The following C19orf38 variants were observed in gnomAD, a reference collection of about 807,000 sequenced individuals.
C19orf38 encodes the protein chromosome 19 open reading frame 38, also known as protein HIDE1.
C19orf38 carries 14 observed loss-of-function variants against 26.6 expected under a neutral mutation model. The observed-to-expected ratio is 0.53, with a 90% CI of 0.35 to 0.82. The LOEUF is 0.82. C19orf38 is among the 40% of genes least tolerant of loss of function. The pLI is 0.01. For synonymous variants in C19orf38, 132 were observed against 128.5 expected (o/e 1.03, Z -0.18); for missense variants, 261 against 299.5 (o/e 0.87, Z 0.95).
chr19:10,837,233 C>T (rs2073439534), intron 1 of C19orf38, among the ~76,000 whole-genome samples: 1 of 152,210 alleles, frequency 6.6e-6, no homozygotes, highest in Admixed American at 6.5e-5. Flanking sequence ...TAAACATAAA[C>T]TGTGTACAGG....
upstream of C19orf38, among the ~76,000 whole-genome samples, chr19:10,847,183 GC>G (rs1765941667): frequency 6.6e-6 from 1 of 152,206 alleles, no homozygotes; most frequent in South Asian, 2.1e-4. Context: ...TAAACAGGAG[GC>G]AGTTTATCCT....
At chr19:10,859,384 A>ATTT (rs1221027780) in intron 4 of C19orf38, among the ~76,000 whole-genome samples, 1 of 21,044 alleles carries the variant, frequency 4.8e-5, no homozygotes, top group East Asian at 2.0e-3. Context: ...ATATATATAT[A>ATTT]TTTTTTTTTT....
At chr19:10,866,929 C>T (rs1277818427) in intron 6 of C19orf38, among the ~76,000 whole-genome samples, 1 of 152,128 alleles carries the variant, frequency 6.6e-6, no homozygotes, top group African/African-American at 2.4e-5. Context: ...GCATGAGCCA[C>T]TGCACCCAGC....
At position 10,837,398 on chromosome 19, in the gene C19orf38, C is replaced by G. The variant is rs149221283; in HGVS notation, c.-69+628C>G. On this transcript the variant is annotated intron_variant, in intron 1 of 7. Transcript: ENST00000592854. ...ATCAGTTTGGTATTCCTTTTCACTC[C>G]AACTTTTTCTATCATTTACACTCAC... Among the ~76,000 whole-genome samples the G allele has an allele frequency of 1.0e-2, 1,509 of 151,300 alleles. 25 individuals carry two copies. The highest frequency in any genetic ancestry group is 0.04 in the Admixed American group (605 of 15,182).
At chr19:10,860,197 A>G in intron 5 of C19orf38, 1 of 497,586 alleles carries the variant, frequency 2.0e-6, no homozygotes, top group East Asian at 3.3e-5. Context: ...CCTGCTACTT[A>G]CAGGACCCCA....
intron 1 of C19orf38, chr19:10,841,999 A>C: frequency 6.2e-7 from 1 of 1,610,754 alleles, no homozygotes. Context: ...GAAGGAAGCC[A>C]ACATCCTTTT....
chr19:10,854,677 G>A (rs1465272272), intron 2 of C19orf38, among the ~76,000 whole-genome samples: 2 of 151,908 alleles, frequency 1.3e-5, no homozygotes, highest in Admixed American at 6.6e-5. Flanking sequence ...AAGGGGAAGC[G>A]AAGTCTTGTG....
chr19:10,843,322 G>C (rs1017252891), intron 1 of C19orf38, among the ~76,000 whole-genome samples: 1 of 152,228 alleles, frequency 6.6e-6, no homozygotes, highest in African/African-American at 2.4e-5. Flanking sequence ...GCTTTAAACT[G>C]TCTTTGGCTT....
At chr19:10,853,930 A>G (rs1213128653) in intron 2 of C19orf38, among the ~76,000 whole-genome samples, 1 of 137,722 alleles carries the variant, frequency 7.3e-6, no homozygotes, top group Non-Finnish European at 1.5e-5. Context: ...ATTAGGAGGG[A>G]CTGCTGGCAT....
At chr19:10,844,074 A>T (rs1011943594), upstream of C19orf38, among the ~76,000 whole-genome samples, 1 of 151,392 alleles carries the variant, frequency 6.6e-6, no homozygotes, top group Non-Finnish European at 1.5e-5. Flanking sequence ...AGATTGCGCC[A>T]CTGCACTCCA....
intron 2 of C19orf38, among the ~76,000 whole-genome samples, chr19:10,851,194 C>T (rs888533915): frequency 6.6e-6 from 1 of 152,134 alleles, no homozygotes; most frequent in African/African-American, 2.4e-5. Flanking sequence ...TCTGGGATTA[C>T]AGGTGTGTGC....
Position 10,849,921 on chromosome 19 carries a change from C to T in C19orf38, c.32-338C>T, listed in dbSNP as rs114173890. On this transcript the variant is annotated intron_variant, in intron 1 of 6. Transcript: ENST00000397820. Reference sequence around the variant, plus strand: ...CTCTACTAAAAATATAAAAATTGGCCAGGCATAGTGCCACATGCCTGTAAT... The same window carrying T: ...CTCTACTAAAAATATAAAAATTGGCTAGGCATAGTGCCACATGCCTGTAAT... Among the ~76,000 whole-genome samples the T allele has an allele frequency of 3.4e-3, 511 of 151,974 alleles. 1 individual carries two copies. Among genetic ancestry groups the T allele is most frequent in the African/African-American group, 0.012 (484 of 41,450 alleles).
At position 10,869,156 on chromosome 19, in the gene C19orf38, G is replaced by A. The variant is rs547555196; in HGVS notation, c.544-62G>A. On this transcript the variant is annotated intron_variant, in intron 6 of 6. Transcript: ENST00000397820. ...CAGAGTCTCAGGCTCAGAACATGGAGAAACCCTAGATCCTGAAACCCCAAA... is the reference window on the plus strand; with the variant it reads ...CAGAGTCTCAGGCTCAGAACATGGAAAAACCCTAGATCCTGAAACCCCAAA... 8.2e-5 allele frequency: 127 copies of A among 1,540,324 alleles called. No individual in the cohort carries two copies. In the South Asian group the frequency reaches 1.4e-3, roughly 17 times the overall value.
At chr19:10,854,073 T>C (rs923421873) in intron 2 of C19orf38, among the ~76,000 whole-genome samples, 1 of 149,552 alleles carries the variant, frequency 6.7e-6, no homozygotes, top group Non-Finnish European at 1.5e-5. Context: ...TTTTTTTTTT[T>C]AATTTTTGAG....
chr19:10,848,241 T>G (rs1215539135), upstream of C19orf38, among the ~76,000 whole-genome samples: 1 of 151,426 alleles, frequency 6.6e-6, no homozygotes, highest in Non-Finnish European at 1.5e-5. Context: ...CACCTAAACA[T>G]CTCATCCATT....
At chr19:10,860,765 C>T (rs2073689923) in intron 5 of C19orf38, among the ~76,000 whole-genome samples, 1 of 147,834 alleles carries the variant, frequency 6.8e-6, no homozygotes, top group African/African-American at 2.5e-5. Context: ...GGCGTGAACC[C>T]AGGAGGCAGA....
At chr19:10,841,992 G>C in intron 1 of C19orf38, 3 of 1,610,732 alleles carry the variant, frequency 1.9e-6, no homozygotes, top group Non-Finnish European at 2.5e-6. Context: ...ATCTGGAGAA[G>C]GAAGCCAACA....
At chr19:10,857,989 A>G (rs1308102425) in intron 3 of C19orf38, among the ~76,000 whole-genome samples, 1 of 151,724 alleles carries the variant, frequency 6.6e-6, no homozygotes, top group Non-Finnish European at 1.5e-5. Context: ...CAGCACTTTG[A>G]AAGGCCGAGG....
Position 10,869,376 on chromosome 19 carries a change from ACTGGGG to A in C19orf38, c.*10_*15del. On this transcript the variant is annotated 3_prime_UTR_variant, in exon 7 of 7. Transcript: ENST00000397820. ...TCCGGGCCTGCCAGTGAGGCTGAGGACTGGGGGACCCCTCTGTCTCCAGGCATTCGG... is the reference window on the plus strand; with the variant it reads ...TCCGGGCCTGCCAGTGAGGCTGAGGAGACCCCTCTGTCTCCAGGCATTCGG... 6.5e-7 allele frequency: 1 copy of A among 1,545,750 alleles called. No homozygotes were observed. Among genetic ancestry groups the A allele is most frequent in the Non-Finnish European group, 8.7e-7 (1 of 1,144,586 alleles).
Sources: allele counts gnomAD v4.1 joint callset (sites outside exome capture counted in the v4.1 genomes callset), GRCh38; gene constraint gnomAD v4.1.1; transcripts MANE v1.5; gene names NCBI Gene and HGNC (gene_info 2026-07-23, HGNC 2026-07-21).